The following TTN variants were observed in gnomAD, a reference collection of about 807,000 sequenced individuals.
TTN encodes the protein connectin.
A neutral mutation model predicts 3,223.0 loss-of-function variants in TTN; 1,525 were observed. The observed-to-expected ratio is 0.47, with a 90% CI of 0.45 to 0.49. The LOEUF (loss-of-function observed/expected upper bound fraction) is 0.49, where lower values mean the gene tolerates loss of function less well. TTN is among the 20% of genes least tolerant of loss of function. The probability of loss-of-function intolerance (pLI) is 0.00; values close to 1 mark genes in which losing one functional copy is unlikely to be tolerated. For synonymous variants in TTN, 14,094 were observed against 15,161.0 expected (o/e 0.93, Z 5.17); for missense variants, 40,786 against 43,424.0 (o/e 0.94, Z 5.40).
intron 294 of TTN, 58 bp from the exon 295 acceptor site, chr2:178,595,867 A>C: frequency 4.0e-6 from 6 of 1,484,226 alleles, no homozygotes; most frequent in Non-Finnish European, 5.4e-6. Flanking sequence ...ATAATGCTCA[A>C]CACTTGTTTT....
chr2:178,546,003 C>G lies in TTN; in HGVS notation c.95233G>C (p.Val31745Leu). 1 of 1,613,816 alleles carries G rather than the reference C, an allele frequency of 6.2e-7. No individual in the cohort carries two copies. Among genetic ancestry groups the G allele is most frequent in the South Asian group, 1.1e-5 (1 of 91,090 alleles). Residue 31745 changes from valine (V) to leucine (L), a missense_variant, in exon 343 of 363, where the codon GTG becomes CTG. By Grantham distance (32) the Val-to-Leu change is conservative. Transcript: ENST00000589042. ...AGCCTGCTAGTCTCGCGTCTTTCCA[C>G]GATGTAGTGAGTGATTTCTGCTCCT... Reference protein sequence around the residue: ...DGGAEITHYIVERRETSRLNW... With the variant: ...DGGAEITHYILERRETSRLNW...
rs756584422 is a variant in TTN, at chr2:178,588,643, G to A, written c.63082C>T (p.Leu21028Phe). 1 of 1,608,328 alleles carries A rather than the reference G, an allele frequency of 6.2e-7. No individual in the cohort carries two copies. The highest frequency in any genetic ancestry group is 8.5e-7 in the Non-Finnish European group (1 of 1,177,672). Residue 21028 changes from leucine (L) to phenylalanine (F), a missense_variant, in exon 304 of 363, where the codon CTC becomes TTC. By Grantham distance (22) the Leu-to-Phe change is conservative (BLOSUM62 0). Coordinates refer to ENST00000589042, the MANE Select transcript of TTN (RefSeq NM_001267550.2). The part of the protein sequence containing the change: ...IPERRMKVQN[L>F]LPDHEYQFRV... ...AACTGATATTCATGGTCTGGGAGGA[G>A]ATTCTGTACTTTCATACGTCTCTCA...
Position 178,527,228 on chromosome 2 carries a change from G to A in TTN, c.107760C>T (p.Phe35920=). 1 of 1,613,822 alleles carries A rather than the reference G, an allele frequency of 6.2e-7. No individual in the cohort carries two copies. Among genetic ancestry groups the A allele is most frequent in the Non-Finnish European group, 8.5e-7 (1 of 1,179,826 alleles). The part of the protein sequence containing the change: ...EGKVLTVACA[F]TGEPTPEVTW... ...TTACTTCTGGGGTAGGCTCACCCGT[G>A]AAAGCACAGGCTACTGTTAGAACTT... Residue 35920 remains phenylalanine, a synonymous_variant, in exon 363 of 363, where the codon TTC becomes TTT. Coordinates refer to ENST00000589042, the MANE Select transcript of TTN (RefSeq NM_001267550.2).
chr2:178,650,174 T>G lies in TTN; in HGVS notation c.39807A>C (p.Pro13269=). The change falls in exon 210 of 363, where the codon CCA becomes CCC. Residue 13269 remains proline (P), a synonymous_variant. Coordinates refer to ENST00000589042, the MANE Select transcript of TTN (RefSeq NM_001267550.2). ...PVAEEEEPEV[P]PPAVPEEPKK... is the part of the protein sequence containing the mutation. ...GATTCTGCTTTGTACCTGCTGGAGG[T>G]GGAACCTCTGGTTCCTCCTCTTCTG... is the stretch of plus-strand genomic sequence containing the variant. The G allele has an allele frequency of 6.3e-7, 1 of 1,581,102 alleles. No homozygotes were observed. Among genetic ancestry groups the G allele is most frequent in the Non-Finnish European group, 8.6e-7 (1 of 1,161,712 alleles).
At chr2:178,761,789 AAAATTGCACAGATGC>A (rs761185908) in intron 43 of TTN, among the ~76,000 whole-genome samples, 9 of 152,238 alleles carry the variant, frequency 5.9e-5, no homozygotes, top group Non-Finnish European at 1.2e-4. Flanking sequence ...TGGTAGAATT[AAAATTGCACAGATGC>A]TTAAATGAAT....
intron 326 of TTN, 101 bp from the exon 327 acceptor site, chr2:178,558,738 A>G (rs941995806): frequency 1.6e-6 from 2 of 1,264,062 alleles, no homozygotes; most frequent in Admixed American, 5.8e-5. Context: ...AATGAAGGCC[A>G]TATTTTTATG....
intron 231 of TTN, 37 bp from the exon 232 acceptor site, chr2:178,633,713 G>C: frequency 6.2e-7 from 1 of 1,606,584 alleles, no homozygotes; most frequent in Non-Finnish European, 8.5e-7. Context: ...AGAAGAATGT[G>C]AAAATTAAAG....
At chr2:178,646,722 T>C (rs1484884670) in intron 215 of TTN, among the ~76,000 whole-genome samples, 163 bp from the exon 216 acceptor site, 4 of 152,064 alleles carry the variant, frequency 2.6e-5, no homozygotes, top group Non-Finnish European at 4.4e-5. Context: ...AAAGTTCTTT[T>C]ACTTGAACTG....
At position 178,672,706 on chromosome 2, in the gene TTN, TTA is replaced by T. The variant is rs2067231407; in HGVS notation, c.34787-5_34787-4del. On this transcript the variant is annotated splice_polypyrimidine_tract_variant and splice_region_variant and intron_variant, in intron 152 of 362. Coordinates refer to ENST00000589042, the MANE Select transcript of TTN (RefSeq NM_001267550.2). Reference sequence around the variant, plus strand: ...TTCCTCAGGAATTTTCTTTGACACTTTAAAGATATTAGGTGTTTTAGTTAGCT... The same window carrying T: ...TTCCTCAGGAATTTTCTTTGACACTTAAGATATTAGGTGTTTTAGTTAGCT... The T allele has an allele frequency of 1.3e-6, 2 of 1,596,414 alleles. No individual in the cohort carries two copies. The highest frequency in any genetic ancestry group is 1.7e-6 in the Non-Finnish European group (2 of 1,170,210).
At chr2:178,661,693 A>AT in intron 180 of TTN, 66 bp downstream of exon 180, 1 of 1,084,268 alleles carries the variant, frequency 9.2e-7, no homozygotes, top group Non-Finnish European at 1.2e-6. Flanking sequence ...TATATATATA[A>AT]AAAGAAAAAT....
intron 133 of TTN, 102 bp downstream of exon 133, chr2:178,683,897 A>C (rs990303500): frequency 2.4e-6 from 2 of 831,022 alleles, no homozygotes; most frequent in African/African-American, 3.5e-5. Flanking sequence ...TGCTTACTTT[A>C]TACTATGTCT....
chr2:178,749,233 G>A (rs748917538), intron 47 of TTN: 2 of 1,611,356 alleles, frequency 1.2e-6, no homozygotes, highest in Non-Finnish European at 1.7e-6. Context: ...TCTTAATAGT[G>A]ACATCACTGA....
intron 1 of TTN, among the ~76,000 whole-genome samples, chr2:178,806,754 CT>C (rs2094337042): frequency 6.6e-6 from 1 of 152,214 alleles, no homozygotes; most frequent in Non-Finnish European, 1.5e-5. Flanking sequence ...TGTTCTGTCA[CT>C]GTCCTGCAAC....
chr2:178,710,320 G>C (rs922946767), intron 98 of TTN, among the ~76,000 whole-genome samples: 3 of 151,992 alleles, frequency 2.0e-5, no homozygotes, highest in Non-Finnish European at 4.4e-5. Context: ...GGTGGCAGGC[G>C]CCTGTAATCC....
At chr2:178,781,006 G>T in intron 21 of TTN, 115 bp downstream of exon 21, 3 of 1,422,702 alleles carry the variant, frequency 2.1e-6, no homozygotes, top group South Asian at 2.4e-5. Context: ...CAAAGACACT[G>T]GGGCAAAGTA....
chr2:178,731,725 C>T lies in TTN; in HGVS notation c.17150G>A (p.Ser5717Asn), dbSNP rs1484523576. The change falls in exon 58 of 363, where the codon AGC (serine) becomes AAC (asparagine). Residue 5717 changes from serine to asparagine, a missense_variant. By Grantham distance (46) the Ser-to-Asn change is conservative. Coordinates refer to ENST00000589042, the MANE Select transcript of TTN (RefSeq NM_001267550.2). ...AGTCACCCTGGCACTGCAGATGCTG[C>T]TGCCCACCTCATTGGTCACCCGACA... ...YQCRVTNEVG[S>N]SICSARVTLR... 14 of 1,613,044 alleles carry T rather than the reference C, an allele frequency of 8.7e-6. No individual in the cohort carries two copies. Among genetic ancestry groups the T allele is most frequent in the Non-Finnish European group, 1.2e-5 (14 of 1,179,218 alleles).
At chr2:178,738,983 G>A (rs2082007355) in intron 48 of TTN, among the ~76,000 whole-genome samples, 158 bp downstream of exon 48, 1 of 152,160 alleles carries the variant, frequency 6.6e-6, no homozygotes, top group South Asian at 2.1e-4. Context: ...AAGGGAAAAG[G>A]TGAGTTCATA....
Position 178,620,339 on chromosome 2 carries a change from C to T in TTN, c.46182G>A (p.Val15394=), listed in dbSNP as rs2058080364. 6.3e-7 allele frequency: 1 copy of T among 1,599,306 alleles called. No individual in the cohort carries two copies. Among genetic ancestry groups the T allele is most frequent in the African/African-American group, 1.3e-5 (1 of 74,466 alleles). Reference sequence around the variant, plus strand: ...TGACTGTCTGATCTTCCAAGTGTTCCACAAATTCTGTCGGGGCTTCTATGA... The same window carrying T: ...TGACTGTCTGATCTTCCAAGTGTTCTACAAATTCTGTCGGGGCTTCTATGA... ...LLIIEAPTEF[V]EHLEDQTVTE... Residue 15394 remains valine (V), a synonymous_variant, in exon 248 of 363, where the codon GTG becomes GTA. Coordinates refer to ENST00000589042, the MANE Select transcript of TTN (RefSeq NM_001267550.2).
chr2:178,616,336 G>T lies in TTN; in HGVS notation c.48312+143C>A, dbSNP rs72677239. On this transcript the variant is annotated intron_variant, in intron 257 of 362. Coordinates refer to ENST00000589042, the MANE Select transcript of TTN (RefSeq NM_001267550.2). ...TACCTCAGGAAGCATTAGCACCGAT[G>T]CATTCTTAAAAAGTTTTTGTACATT... 1.1e-3 allele frequency: 1,124 copies of T among 1,042,662 alleles called. 5 individuals carry two copies. Among genetic ancestry groups the T allele is most frequent in the African/African-American group, 7.3e-3 (454 of 62,254 alleles). The allele number at this position is 1,042,662 out of a possible 1,614,324, so 64.6% of individuals were successfully genotyped here. A position where few individuals can be genotyped will look rare whatever the true frequency, so the allele number is the denominator to read the frequency against.
Sources: gnomAD v4.1 joint callset for allele counts (sites outside exome capture counted in the v4.1 genomes callset) on GRCh38, gnomAD v4.1.1 for gene constraint, MANE v1.5 for transcripts, NCBI Gene and HGNC (gene_info 2026-07-23, HGNC 2026-07-21) for gene names.